TULP1: variants seen among roughly 807,000 people sequenced by gnomAD.
The protein encoded by TULP1 is TUB like protein 1.
Under a neutral mutation model 67.1 loss-of-function variants are expected in TULP1, and 50 were observed. The ratio of observed to expected loss-of-function variants is 0.75; its 90% CI spans 0.59 to 0.94. The LOEUF (loss-of-function observed/expected upper bound fraction) is 0.94. Among genes scored for constraint, TULP1 ranks in the 40% least tolerant of loss-of-function variants. The pLI is 0.00. For missense variants in TULP1, 746 were observed against 734.1 expected (o/e 1.02, Z -0.19); for synonymous variants, 297 against 294.0 (o/e 1.01, Z -0.11).
intron 2 of TULP1, 48 bp downstream of exon 2, chr6:35,512,591 G>A (rs1761233576): frequency 1.9e-6 from 3 of 1,613,010 alleles, no homozygotes; most frequent in Non-Finnish European, 2.5e-6. Context: ...GTGGGTTTAC[G>A]CACAGCGGGG....
In TULP1 at chr6:35,512,274, C is replaced by A; in HGVS notation, c.100-4G>T. On this transcript the variant is annotated splice_region_variant and splice_polypyrimidine_tract_variant and intron_variant, in intron 2 of 14. Coordinates refer to ENST00000229771, the MANE Select transcript of TULP1 (RefSeq NM_003322.6). ...GCCTCTGTGCCGGGGCGGGTCGCTGCGGAACGGGGGTCAAGAGGAGGTCGA... is the reference window on the plus strand; with the variant it reads ...GCCTCTGTGCCGGGGCGGGTCGCTGAGGAACGGGGGTCAAGAGGAGGTCGA... 1.4e-6 allele frequency: 2 copies of A among 1,388,902 alleles called. No individual in the cohort carries two copies. The highest frequency in any genetic ancestry group is 1.9e-6 in the Non-Finnish European group (2 of 1,066,736). 86.0% of individuals were successfully genotyped at this position (1,388,902 alleles called of 1,614,324 possible).
At chr6:35,509,548 T>C in intron 7 of TULP1, 86 bp downstream of exon 7, 5 of 1,369,556 alleles carry the variant, frequency 3.7e-6, no homozygotes, top group Non-Finnish European at 4.2e-6. Context: ...TACCTAGCAC[T>C]GTCTTGTATG....
rs1761219395 is a variant in TULP1 at position 35,512,078 on chromosome 6, C to T, written c.190+102G>A. ...TCATCACTCCCCGCCCCCTCCTCCCCCACCCCGTTCCAGGGCTCGGCGACA... is the reference window on the plus strand; with the variant it reads ...TCATCACTCCCCGCCCCCTCCTCCCTCACCCCGTTCCAGGGCTCGGCGACA... On this transcript the variant is annotated intron_variant, in intron 3 of 14. Transcript: ENST00000229771. 10 of 684,828 alleles carry T rather than the reference C, an allele frequency of 1.5e-5. 1 individual carries two copies. In the East Asian group the frequency reaches 1.5e-4, roughly 11 times the overall value. The allele number at this position is 684,828 out of a possible 1,614,324, so 42.4% of individuals were successfully genotyped here.
At position 35,498,464 on chromosome 6, in the gene TULP1, T is replaced by C. The variant is rs750061983; in HGVS notation, c.1496-4A>G. 1.2e-6 allele frequency: 2 copies of C among 1,613,658 alleles called. No individual in the cohort carries two copies. Among genetic ancestry groups the C allele is most frequent in the South Asian group, 1.1e-5 (1 of 91,086 alleles). On this transcript the variant is annotated splice_polypyrimidine_tract_variant and splice_region_variant and intron_variant, in intron 14 of 14. Coordinates refer to ENST00000229771, the MANE Select transcript of TULP1 (RefSeq NM_003322.6). The surrounding 1 kb of genome is among the most constrained non-coding windows in gnomAD (Gnocchi z 6.7). Reference sequence around the variant, plus strand: ...AACTGCAGCACGATATAGTCGGCTATGGACACAAGACGGGGTGGGGGCGGC... The same window carrying C: ...AACTGCAGCACGATATAGTCGGCTACGGACACAAGACGGGGTGGGGGCGGC...
At chr6:35,512,551 C>T (rs1021489632) in intron 2 of TULP1, 88 bp downstream of exon 2, 4 of 1,564,964 alleles carry the variant, frequency 2.6e-6, no homozygotes, top group Admixed American at 1.7e-5. Flanking sequence ...CTAAGGGGGA[C>T]CTGTCCCACC....
Position 35,512,677 on chromosome 6 carries a change from C to T in TULP1, c.61G>A (p.Glu21Lys), listed in dbSNP as rs970248214. The T allele has an allele frequency of 1.2e-6, 2 of 1,613,928 alleles. No homozygotes were observed. Among genetic ancestry groups the T allele is most frequent in the African/African-American group, 2.7e-5 (2 of 74,914 alleles). The change falls in exon 2 of 15, where the codon GAA becomes AAA. Residue 21 changes from glutamate (E) to lysine (K), a missense_variant. Transcript: ENST00000229771. ...VWASDSGHEE[E>K]SLSPEAPRRP... ...CGCGGGGCCTCCGGGCTCAGGCTTT[C>T]TTCTTCATGCCCACTGAGGGTAGCA... is the stretch of plus-strand genomic sequence containing the variant.
chr6:35,512,317 C>A (rs891243042), intron 2 of TULP1, 47 bp from the exon 3 acceptor site: 3 of 971,066 alleles, frequency 3.1e-6, no homozygotes, highest in African/African-American at 3.3e-5. Context: ...AAGGGGGGCG[C>A]TGAGGCCCGC....
chr6:35,509,719 C>T lies in TULP1; in HGVS notation c.633G>A (p.Gly211=), dbSNP rs2150927300. ...GGCTCTTCCTCGCACTGGCTGGGCTCCCTGAGGGGTCCTTGTCGGCCTCCC... is the reference window on the plus strand; with the variant it reads ...GGCTCTTCCTCGCACTGGCTGGGCTTCCTGAGGGGTCCTTGTCGGCCTCCC... The part of the protein sequence containing the change: ...GSGEADKDPS[G]SPASARKSPA... Residue 211 remains glycine, a synonymous_variant, in exon 7 of 15, where the codon GGG becomes GGA. Coordinates refer to ENST00000229771, the MANE Select transcript of TULP1 (RefSeq NM_003322.6). The T allele has an allele frequency of 6.2e-7, 1 of 1,614,104 alleles. No individual in the cohort carries two copies. The highest frequency in any genetic ancestry group is 1.1e-5 in the South Asian group (1 of 91,082).
rs753108584 is a variant in TULP1, at chr6:35,510,965, GCCT to G, written c.392_394del (p.Glu131del). On this transcript the variant is annotated inframe_deletion, in exon 5 of 15. Transcript: ENST00000229771. ...AAGGATTTTCTCTTTCTTTTCCTCT[GCCT>G]CCTCTTCCTCGTCCTCCTCGTCCTC... The G allele has an allele frequency of 3.1e-6, 5 of 1,611,598 alleles. No individual in the cohort carries two copies. The highest frequency in any genetic ancestry group is 4.2e-6 in the Non-Finnish European group (5 of 1,179,932).
intron 13 of TULP1, among the ~76,000 whole-genome samples, chr6:35,502,814 T>C (rs1760994840): frequency 1.3e-5 from 2 of 152,020 alleles, no homozygotes; most frequent in Admixed American, 6.6e-5. Flanking sequence ...TTTTTCACCA[T>C]AGCACTTACC....
chr6:35,512,158 C>A, intron 3 of TULP1, 22 bp downstream of exon 3: 1 of 1,331,540 alleles, frequency 7.5e-7, no homozygotes. Context: ...GGGGGTCCAC[C>A]CGGGCTCTGC....
rs955387398 is a variant in TULP1, at chr6:35,498,228, A to C, written c.*99T>G. 5.2e-6 allele frequency: 8 copies of C among 1,528,770 alleles called. No individual in the cohort carries two copies. The Admixed American group carries it at 1.3e-4, about 26-fold the overall frequency. The allele number at this position is 1,528,770 out of a possible 1,614,324, so 94.7% of individuals were successfully genotyped here. ...GAGAGGTCAGCCCCGACACAGGAGC[A>C]GTTTTCCGCGGGAGCTTTGCTGGAG... On this transcript the variant is annotated 3_prime_UTR_variant, in exon 15 of 15. Transcript: ENST00000229771. This position sits in a 1 kb window ranked among gnomAD's most constrained non-coding sequence, Gnocchi z 6.7.
chr6:35,509,269 C>A lies in TULP1; in HGVS notation c.762G>T (p.Glu254Asp). The A allele has an allele frequency of 1.9e-6, 3 of 1,606,648 alleles. No individual in the cohort carries two copies. The highest frequency in any genetic ancestry group is 2.6e-6 in the Non-Finnish European group (3 of 1,173,764). The change falls in exon 8 of 15, where the codon GAG (glutamate) becomes GAT (aspartate). Residue 254 changes from glutamate to aspartate, a missense_variant. Glu to Asp is a conservative substitution (Grantham distance 45). Around this residue, in one of 3 missense-constraint regions of TULP1, gnomAD observed 359 missense variants for 341.9 expected, o/e 1.05. Transcript: ENST00000229771. ...GARKEEEEEE[E>D]AATVIKKSNQ... ...TGCTCTTCTTTATCACCGTAGCTGC[C>A]TCCTCCTCCTCTTCTTCCTCCTTCC...
Position 35,500,099 on chromosome 6 carries a change from T to A in TULP1, c.1377A>T (p.Ile459=). The stretch of plus-strand genomic sequence containing the variant: ...AGACAGGTGGCTTGTTGTGCAGTTC[T>A]ATGAGGCTCTCCAGCGTCTTGTTCT... The part of the protein sequence containing the change: ...RWQNKTLESL[I]ELHNKPPVWN... Residue 459 remains isoleucine, a synonymous_variant, in exon 14 of 15, where the codon ATA becomes ATT. Coordinates refer to ENST00000229771, the MANE Select transcript of TULP1 (RefSeq NM_003322.6). The A allele has an allele frequency of 2.5e-6, 4 of 1,614,176 alleles. No individual in the cohort carries two copies. The highest frequency in any genetic ancestry group is 3.4e-6 in the Non-Finnish European group (4 of 1,180,024).
At chr6:35,507,203 CAAAAA>C (rs869194937) in intron 8 of TULP1, among the ~76,000 whole-genome samples, 9 of 71,988 alleles carry the variant, frequency 1.3e-4, no homozygotes, top group Admixed American at 4.4e-4. Context: ...AACACTCAAG[CAAAAA>C]AAAAAAAAAA....
chr6:35,503,585 C>G lies in TULP1; in HGVS notation c.1297G>C (p.Glu433Gln). ...VIIPGMSAEN[E>Q]RVPIRPRNAS... ...TTTCGGGGCCGGATGGGGACCCTCT[C>G]GTTCTCCGCACTCATGCCAGGAATG... The change falls in exon 13 of 15, where the codon GAG becomes CAG. Residue 433 changes from glutamate (E) to glutamine (Q), a missense_variant. This residue lies in a region of TULP1 where 383 missense variants were observed against 374.1 expected (regional missense o/e 1.02). Coordinates refer to ENST00000229771, the MANE Select transcript of TULP1 (RefSeq NM_003322.6). This position sits in a 1 kb window ranked among gnomAD's most constrained non-coding sequence, Gnocchi z 4.0. The G allele has an allele frequency of 6.3e-7, 1 of 1,586,182 alleles. No individual in the cohort carries two copies. The highest frequency in any genetic ancestry group is 2.3e-5 in the East Asian group (1 of 43,288).
chr6:35,499,247 C>G (rs1159629538), intron 14 of TULP1, among the ~76,000 whole-genome samples: 1 of 152,228 alleles, frequency 6.6e-6, no homozygotes, highest in Non-Finnish European at 1.5e-5. Context: ...AGTCCTTTGA[C>G]CTCACTTGAG....
At chr6:35,508,497 C>A (rs1247021217) in intron 8 of TULP1, among the ~76,000 whole-genome samples, 1 of 152,198 alleles carries the variant, frequency 6.6e-6, no homozygotes, top group East Asian at 1.9e-4. Flanking sequence ...AAAATCCAGG[C>A]CCTGTCCTCG....
At chr6:35,499,465 C>T (rs1019001003) in intron 14 of TULP1, among the ~76,000 whole-genome samples, 3 of 152,182 alleles carry the variant, frequency 2.0e-5, no homozygotes, top group Admixed American at 2.0e-4. Context: ...TTCACAGGGA[C>T]GTTGAAGGGA....
Sources: allele counts gnomAD v4.1 joint callset (sites outside exome capture counted in the v4.1 genomes callset), GRCh38; gene constraint gnomAD v4.1.1; regional missense constraint gnomAD v4.1.1; non-coding constraint Gnocchi (gnomAD v3.1); transcripts MANE v1.5; gene names NCBI Gene and HGNC (gene_info 2026-07-23, HGNC 2026-07-21).